THRB: variants seen among roughly 807,000 people sequenced by gnomAD.
THRB encodes the protein nuclear receptor subfamily 1 group A member 2.
THRB carries 12 observed loss-of-function variants against 47.8 expected under a neutral mutation model. That is an observed-to-expected ratio of 0.25 (90% confidence interval 0.16 to 0.41). The LOEUF (loss-of-function observed/expected upper bound fraction) is 0.41, where lower values mean the gene tolerates loss of function less well. Among genes scored for constraint, THRB ranks in the 10% least tolerant of loss-of-function variants. The pLI is 1.00. For missense variants in THRB, 348 were observed against 589.2 expected (o/e 0.59, Z 4.24); for synonymous variants, 218 against 212.2 (o/e 1.03, Z -0.24).
At chr3:24,336,977 A>G (rs1207959888) in intron 2 of THRB, among the ~76,000 whole-genome samples, 4 of 152,028 alleles carry the variant, frequency 2.6e-5, no homozygotes, top group Non-Finnish European at 5.9e-5. Context: ...CTGCCTTTTT[A>G]GCACTCAAGG....
intron 2 of THRB, among the ~76,000 whole-genome samples, chr3:24,312,553 G>T (rs2057826246): frequency 6.6e-6 from 1 of 152,140 alleles, no homozygotes; most frequent in South Asian, 2.1e-4. Context: ...ACATTTGTGT[G>T]GCAGAATCAT....
intron 4 of THRB, among the ~76,000 whole-genome samples, chr3:24,194,915 C>T (rs923410170): frequency 1.1e-4 from 17 of 152,194 alleles, no homozygotes; most frequent in African/African-American, 4.1e-4. Context: ...GATTTCATGG[C>T]ACTCATTGCA....
chr3:24,371,985 T>G (rs1211916670), intron 1 of THRB, among the ~76,000 whole-genome samples: 1 of 152,152 alleles, frequency 6.6e-6, no homozygotes, highest in Non-Finnish European at 1.5e-5. Flanking sequence ...TCTTTCTCTA[T>G]GCCCCCAATA....
intron 1 of THRB, among the ~76,000 whole-genome samples, chr3:24,437,255 T>C (rs1057374267): frequency 3.3e-5 from 5 of 151,574 alleles, no homozygotes; most frequent in Non-Finnish European, 5.9e-5. Flanking sequence ...GAATTGGAGG[T>C]CATTGCGTTA....
intron 2 of THRB, among the ~76,000 whole-genome samples, chr3:24,301,267 G>A (rs1284984933): frequency 6.6e-6 from 1 of 152,158 alleles, no homozygotes; most frequent in Non-Finnish European, 1.5e-5. Context: ...CATGTAATTT[G>A]TTACTGCAGC....
At chr3:24,425,506 G>A (rs2069668607) in intron 1 of THRB, among the ~76,000 whole-genome samples, 2 of 151,772 alleles carry the variant, frequency 1.3e-5, no homozygotes, top group South Asian at 2.1e-4. Context: ...ACAATTGGAG[G>A]TAAGAAAAAT....
chr3:24,127,162 C>G (rs1279871292), intron 10 of THRB, among the ~76,000 whole-genome samples: 1 of 152,188 alleles, frequency 6.6e-6, no homozygotes, highest in Non-Finnish European at 1.5e-5. Context: ...TGTGGTCACT[C>G]ACATCCATAT....
intron 1 of THRB, among the ~76,000 whole-genome samples, chr3:24,460,644 A>G (rs748373584): frequency 1.3e-5 from 2 of 152,222 alleles, no homozygotes; most frequent in Non-Finnish European, 2.9e-5. Flanking sequence ...TTGTAGCTCC[A>G]GAGTTATGCT....
chr3:24,204,201 C>G (rs1158212474), intron 4 of THRB, among the ~76,000 whole-genome samples: 1 of 152,260 alleles, frequency 6.6e-6, no homozygotes, highest in Non-Finnish European at 1.5e-5. Flanking sequence ...AGACAGACTG[C>G]CTCCTCAAGT....
At chr3:24,236,706 T>G (rs58555376) in intron 3 of THRB, among the ~76,000 whole-genome samples, 2,029 of 152,242 alleles carry the variant, frequency 0.013, 58 homozygotes, top group African/African-American at 0.045. Context: ...GAAAAAAAAT[T>G]TTTCCCTTTC....
At chr3:24,295,897 T>C (rs765584775) in intron 3 of THRB, among the ~76,000 whole-genome samples, 5 of 152,246 alleles carry the variant, frequency 3.3e-5, no homozygotes, top group Non-Finnish European at 5.9e-5. Context: ...CTTTCCAATA[T>C]GGGAGCCATT....
At chr3:24,321,352 AG>A (rs2058471334) in intron 2 of THRB, among the ~76,000 whole-genome samples, 1 of 152,174 alleles carries the variant, frequency 6.6e-6, no homozygotes, top group Admixed American at 6.5e-5. Context: ...ATGAAAGATA[AG>A]TTTAGGGGGT....
At chr3:24,158,422 T>C (rs972423626) in intron 5 of THRB, among the ~76,000 whole-genome samples, 4 of 86,158 alleles carry the variant, frequency 4.6e-5, no homozygotes, top group African/African-American at 1.8e-4. Flanking sequence ...AATGATAACT[T>C]TTTTTTTTTT....
chr3:24,354,642 A>G (rs1000109366), intron 1 of THRB, among the ~76,000 whole-genome samples: 12 of 152,170 alleles, frequency 7.9e-5, no homozygotes, highest in African/African-American at 2.9e-4. Context: ...ATGGAAGGGT[A>G]GGAGGGGATG....
At chr3:24,305,397 G>A (rs995300770) in intron 2 of THRB, among the ~76,000 whole-genome samples, 1 of 152,288 alleles carries the variant, frequency 6.6e-6, no homozygotes, top group East Asian at 1.9e-4. Context: ...GGTGGTGGAT[G>A]TAGCACCAAC....
intron 2 of THRB, among the ~76,000 whole-genome samples, chr3:24,312,020 G>C (rs1479383887): frequency 1.3e-5 from 2 of 152,126 alleles, no homozygotes; most frequent in Non-Finnish European, 2.9e-5. Flanking sequence ...GAACTTTTCT[G>C]GGTTCCATGA....
chr3:24,341,819 T>C (rs974932720), intron 1 of THRB, among the ~76,000 whole-genome samples: 9 of 152,204 alleles, frequency 5.9e-5, no homozygotes, highest in African/African-American at 2.2e-4. Context: ...CTTAGACAGC[T>C]TGTTATGGAT....
At chr3:24,153,222 C>T (rs919558431) in intron 5 of THRB, among the ~76,000 whole-genome samples, 3 of 152,112 alleles carry the variant, frequency 2.0e-5, no homozygotes, top group East Asian at 1.9e-4. Flanking sequence ...GGAAAGGTCC[C>T]GGGAGATGAC....
chr3:24,218,266 T>TC (rs1464190907), intron 4 of THRB, among the ~76,000 whole-genome samples: 5 of 143,370 alleles, frequency 3.5e-5, no homozygotes, highest in African/African-American at 1.1e-4. Context: ...AGACTCTGTC[T>TC]CAAAAAAAAA....
Sources: allele counts gnomAD v4.1 joint callset (sites outside exome capture counted in the v4.1 genomes callset), GRCh38; gene constraint gnomAD v4.1.1; transcripts MANE v1.5; gene names NCBI Gene and HGNC (gene_info 2026-07-23, HGNC 2026-07-21).